The following PCLO variants were observed in gnomAD, a reference collection of about 807,000 sequenced individuals.
PCLO encodes protein piccolo.
In PCLO, 82 loss-of-function variants were observed where a neutral mutation model predicts 427.5. The observed-to-expected ratio is 0.19, with a 90% CI of 0.16 to 0.23. The LOEUF (loss-of-function observed/expected upper bound fraction) is 0.23. Ranked by LOEUF, PCLO falls within the 10% of genes least tolerant of loss-of-function variation. The pLI is 1.00. For missense variants in PCLO, 6,239 were observed against 6,115.9 expected (o/e 1.02, Z -0.67); for synonymous variants, 2,357 against 2,155.4 (o/e 1.09, Z -2.59).
intron 14 of PCLO, among the ~76,000 whole-genome samples, chr7:82,839,029 T>C (rs1375390087): frequency 2.6e-5 from 4 of 152,052 alleles, no homozygotes; most frequent in African/African-American, 7.2e-5. Context: ...CTAAAAGACA[T>C]AATTCAAACA....
chr7:83,038,044 T>TATATATATATA (rs1788861412), intron 3 of PCLO, among the ~76,000 whole-genome samples: 2 of 46,922 alleles, frequency 4.3e-5, no homozygotes, highest in African/African-American at 3.6e-4. Flanking sequence ...TATATTTATA[T>TATATATATATA]ATATATCTTT....
chr7:83,002,634 A>G (rs1305408584), intron 3 of PCLO, among the ~76,000 whole-genome samples: 1 of 151,908 alleles, frequency 6.6e-6, no homozygotes, highest in Non-Finnish European at 1.5e-5. Context: ...TTGTTAAAGC[A>G]TTAAAATGCA....
intron 10 of PCLO, 56 bp from the exon 11 acceptor site, chr7:82,847,303 C>T (rs975689923): frequency 1.1e-6 from 1 of 944,814 alleles, no homozygotes; most frequent in South Asian, 1.4e-5. Context: ...AGTCTGGGTA[C>T]ATATGGCATT....
chr7:83,114,734 T>C (rs1186717798), intron 3 of PCLO, among the ~76,000 whole-genome samples: 1 of 152,054 alleles, frequency 6.6e-6, no homozygotes, highest in African/African-American at 2.4e-5. Context: ...CCCATTAGTT[T>C]GTGTATGTCT....
At chr7:83,068,240 G>A (rs1412795919) in intron 3 of PCLO, among the ~76,000 whole-genome samples, 1 of 152,048 alleles carries the variant, frequency 6.6e-6, no homozygotes, top group Non-Finnish European at 1.5e-5. Flanking sequence ...ATGAGAGTCT[G>A]CAGCATATTG....
chr7:83,108,433 T>C (rs1304223395), intron 3 of PCLO, among the ~76,000 whole-genome samples: 1 of 152,122 alleles, frequency 6.6e-6, no homozygotes, highest in Non-Finnish European at 1.5e-5. Context: ...ACAAGAAAAG[T>C]TTAACCAGAA....
rs1367986873 is a variant in PCLO, at chr7:82,950,970, T to G, written c.9618A>C (p.Glu3206Asp). The G allele has an allele frequency of 6.2e-7, 1 of 1,613,694 alleles. No homozygotes were observed. The highest frequency in any genetic ancestry group is 1.6e-4 in the Middle Eastern group (1 of 6,062). Residue 3206 changes from glutamate (E) to aspartate (D), a missense_variant, in exon 6 of 25, where the codon GAA (glutamate) becomes GAC (aspartate). Around this residue, in one of 5 missense-constraint regions of PCLO, gnomAD observed 4,677 missense variants for 4,468.4 expected, o/e 1.05. Coordinates refer to ENST00000333891, the MANE Select transcript of PCLO (RefSeq NM_033026.6). ...GDESALLIVP[E>D]EDKQQQQLDL... The stretch of plus-strand genomic sequence containing the variant: ...CTAGCTGCTGCTGTTGTTTATCTTC[T>G]TCAGGGACAATTAAAAGAGCACTTT...
chr7:82,961,935 A>G (rs2115625707), intron 4 of PCLO, among the ~76,000 whole-genome samples: 1 of 152,350 alleles, frequency 6.6e-6, no homozygotes, highest in Admixed American at 6.5e-5. Context: ...TAAAGATCAA[A>G]CTAGTAATGT....
At chr7:82,944,778 A>G (rs1399110780) in intron 6 of PCLO, among the ~76,000 whole-genome samples, 2 of 152,224 alleles carry the variant, frequency 1.3e-5, no homozygotes, top group African/African-American at 2.4e-5. Flanking sequence ...CCAAATGTCC[A>G]TCTGAGAAAA....
intron 9 of PCLO, among the ~76,000 whole-genome samples, chr7:82,888,560 G>C (rs1326428748): frequency 6.6e-6 from 1 of 151,958 alleles, no homozygotes; most frequent in Non-Finnish European, 1.5e-5. Context: ...CATTCATTAT[G>C]ATTAAGCTTC....
intron 9 of PCLO, among the ~76,000 whole-genome samples, chr7:82,885,635 T>C (rs946551184): frequency 3.3e-5 from 5 of 152,150 alleles, no homozygotes; most frequent in African/African-American, 4.8e-5. Context: ...GACATTTGTG[T>C]TATAGTAGAT....
chr7:83,125,952 A>T (rs1791428269), intron 3 of PCLO, among the ~76,000 whole-genome samples: 1 of 152,184 alleles, frequency 6.6e-6, no homozygotes. Context: ...CACTATTCAC[A>T]ATAGCCAATA....
intron 3 of PCLO, among the ~76,000 whole-genome samples, chr7:82,979,415 T>C (rs942539173): frequency 6.6e-5 from 10 of 152,204 alleles, no homozygotes; most frequent in African/African-American, 2.2e-4. Context: ...ATATTGTAAA[T>C]ACAGCTATAC....
chr7:83,026,146 A>C (rs1209118632), intron 3 of PCLO, among the ~76,000 whole-genome samples: 1 of 152,180 alleles, frequency 6.6e-6, no homozygotes, highest in African/African-American at 2.4e-5. Flanking sequence ...TCCAATTAAA[A>C]GACACAGACT....
At position 82,822,601 on chromosome 7, in the gene PCLO, T is replaced by C. The variant is rs1445277051; in HGVS notation, c.14685A>G (p.Pro4895=). 2 of 1,613,692 alleles carry C rather than the reference T, an allele frequency of 1.2e-6. No individual in the cohort carries two copies. The highest frequency in any genetic ancestry group is 1.3e-5 in the African/African-American group (1 of 74,906). The change falls in exon 20 of 25, where the codon CCA becomes CCG. Residue 4895 remains proline (P), a synonymous_variant. Transcript: ENST00000333891. ...CGCTGGTTTTGCTTTGACTGCGAGA[T>C]GGTCCATGAGAACGGAGATGGCCTT... ...SSEGHLRSHG[P]SRSQSKTSVT...
At chr7:83,032,331 A>T (rs1462699418) in intron 3 of PCLO, among the ~76,000 whole-genome samples, 3 of 151,998 alleles carry the variant, frequency 2.0e-5, no homozygotes. Flanking sequence ...ATGCAACAGC[A>T]CAAGGCTCCC....
At position 82,760,754 on chromosome 7, in the gene PCLO, A is replaced by G. The variant is rs775327273; in HGVS notation, c.15173T>C (p.Ile5058Thr). ...DLYVKIYVMN[I>T]STQKKVIKKK... Reference sequence around the variant, plus strand: ...CTTGATCACCTTTTTTTGGGTAGAAATATTCATCACATATATTTTCACATA... The same window carrying G: ...CTTGATCACCTTTTTTTGGGTAGAAGTATTCATCACATATATTTTCACATA... The change falls in exon 24 of 25, where the codon ATT becomes ACT. Residue 5058 changes from isoleucine (I) to threonine (T), a missense_variant. By Grantham distance (89) the Ile-to-Thr change is moderately conservative. Around this residue, in one of 5 missense-constraint regions of PCLO, gnomAD observed 877 missense variants for 925.5 expected, o/e 0.95. Coordinates refer to ENST00000333891, the MANE Select transcript of PCLO (RefSeq NM_033026.6). 6.7e-7 allele frequency: 1 copy of G among 1,502,300 alleles called. No homozygotes were observed. Among genetic ancestry groups the G allele is most frequent in the Non-Finnish European group, 9.2e-7 (1 of 1,083,792 alleles). The allele number at this position is 1,502,300 out of a possible 1,614,324, so 93.1% of individuals were successfully genotyped here.
chr7:82,792,253 C>T (rs995191783), intron 22 of PCLO, among the ~76,000 whole-genome samples: 1 of 151,482 alleles, frequency 6.6e-6, no homozygotes, highest in Non-Finnish European at 1.5e-5. Context: ...CCATTTTTTT[C>T]TTCTTATTAT....
intron 10 of PCLO, among the ~76,000 whole-genome samples, chr7:82,864,684 A>G (rs979300945): frequency 9.2e-5 from 14 of 152,092 alleles, no homozygotes; most frequent in East Asian, 3.9e-4. Context: ...AAAACGTTAT[A>G]CTTTAATTTA....
Sources: allele counts gnomAD v4.1 joint callset (sites outside exome capture counted in the v4.1 genomes callset), GRCh38; gene constraint gnomAD v4.1.1; regional missense constraint gnomAD v4.1.1; transcripts MANE v1.5; gene names NCBI Gene and HGNC (gene_info 2026-07-23, HGNC 2026-07-21).